WDR25: variants seen among roughly 807,000 people sequenced by gnomAD.
WDR25 encodes WD repeat-containing protein 25.
Under a neutral mutation model 47.7 loss-of-function variants are expected in WDR25, and 35 were observed. The ratio of observed to expected loss-of-function variants is 0.73; its 90% CI spans 0.56 to 0.97. WDR25 has a LOEUF of 0.97. Among genes scored for constraint, WDR25 ranks in the 50% least tolerant of loss-of-function variants. The pLI, the probability that WDR25 is intolerant of heterozygous loss-of-function variation, is 0.00. For missense variants in WDR25, 634 were observed against 704.7 expected, an observed-to-expected ratio of 0.90 and a Z score of 1.14; for synonymous variants, 248 against 278.9, an observed-to-expected ratio of 0.89 and a Z score of 1.10.
At chr14:100,514,786 A>G (rs1352271085) in intron 4 of WDR25, among the ~76,000 whole-genome samples, 2 of 152,060 alleles carry the variant, frequency 1.3e-5, no homozygotes, top group Non-Finnish European at 2.9e-5. Flanking sequence ...ATTTTCCTAC[A>G]TATGTATTAT....
In WDR25 at chr14:100,395,972, G is replaced by GTTTT. The variant is rs575737706; in HGVS notation, c.822+14245_822+14248dup. Reference sequence around the variant, plus strand: ...GATGATTGTTCCACATCTGTGAAATGTTTTTTTTTTTTTTTTTTTTTTGAG... The same window carrying GTTTT: ...GATGATTGTTCCACATCTGTGAAATGTTTTTTTTTTTTTTTTTTTTTTTTTTGAG... On this transcript the variant is annotated intron_variant, in intron 2 of 6. Transcript: ENST00000402312. 5.2e-3 allele frequency among the ~76,000 whole-genome samples: 610 copies of GTTTT among 117,240 alleles called. 8 individuals are homozygous for GTTTT. The highest frequency in any genetic ancestry group is 0.014 in the African/African-American group (421 of 30,556). 76.9% of individuals were successfully genotyped at this position (117,240 alleles called of 152,430 possible). A position where few individuals can be genotyped will look rare whatever the true frequency, so the allele number is the denominator to read the frequency against.
rs201348599 is a variant in WDR25 at position 100,530,070 on chromosome 14, C to T, written c.*29C>T. On this transcript the variant is annotated 3_prime_UTR_variant, in exon 7 of 7. Coordinates refer to ENST00000402312, the MANE Select transcript of WDR25 (RefSeq NM_001161476.3). Reference sequence around the variant, plus strand: ...TTTTGTCACTGAACCTTCCCGATGCCAGCTGGGCTCTTGGACTCCCCTCTT... The same window carrying T: ...TTTTGTCACTGAACCTTCCCGATGCTAGCTGGGCTCTTGGACTCCCCTCTT... 3 of 1,587,474 alleles carry T rather than the reference C, an allele frequency of 1.9e-6. No individual in the cohort carries two copies. In the African/African-American group the frequency reaches 4.0e-5, roughly 21 times the overall value.
intron 2 of WDR25, among the ~76,000 whole-genome samples, chr14:100,446,070 C>T (rs1898822226): frequency 6.6e-6 from 1 of 152,176 alleles, no homozygotes; most frequent in African/African-American, 2.4e-5. Context: ...AGATATTATA[C>T]CCCCTGACTG....
intron 2 of WDR25, among the ~76,000 whole-genome samples, chr14:100,398,242 C>T (rs1225151253): frequency 2.0e-5 from 3 of 152,192 alleles, no homozygotes; most frequent in Admixed American, 6.5e-5. Flanking sequence ...TCTTGACATG[C>T]AGAGGCATGT....
At chr14:100,389,676 G>GTA (rs1897095714) in intron 2 of WDR25, among the ~76,000 whole-genome samples, 1 of 152,210 alleles carries the variant, frequency 6.6e-6, no homozygotes, top group Non-Finnish European at 1.5e-5. Context: ...GCAGAGGACA[G>GTA]CGTACCTTGA....
chr14:100,442,729 G>A (rs1898707690), intron 2 of WDR25, among the ~76,000 whole-genome samples: 1 of 152,092 alleles, frequency 6.6e-6, no homozygotes, highest in African/African-American at 2.4e-5. Flanking sequence ...ACCTTTTCAG[G>A]GAAACCTCCA....
chr14:100,514,632 C>CA (rs1361912552), intron 4 of WDR25, among the ~76,000 whole-genome samples: 1 of 152,046 alleles, frequency 6.6e-6, no homozygotes, highest in Non-Finnish European at 1.5e-5. Flanking sequence ...TTCAGATTTT[C>CA]AGTTTCTCCC....
intron 2 of WDR25, among the ~76,000 whole-genome samples, chr14:100,453,844 C>T (rs1410319111): frequency 6.6e-6 from 1 of 152,220 alleles, no homozygotes; most frequent in Non-Finnish European, 1.5e-5. Context: ...TCTTCTTTGC[C>T]CTTTTACATC....
chr14:100,413,254 G>A (rs189267912), intron 2 of WDR25, among the ~76,000 whole-genome samples: 20 of 152,168 alleles, frequency 1.3e-4, no homozygotes, highest in African/African-American at 3.4e-4. Context: ...TGCAACCATC[G>A]CTCCAATCAA....
intron 2 of WDR25, among the ~76,000 whole-genome samples, chr14:100,416,623 C>T (rs1253067114): frequency 1.3e-5 from 2 of 152,206 alleles, no homozygotes; most frequent in African/African-American, 4.8e-5. Context: ...CCCCTTCTCT[C>T]TGTACCCATT....
In WDR25 at chr14:100,445,773, G is replaced by A. The variant is rs77605340; in HGVS notation, c.823-22248G>A. Among the ~76,000 whole-genome samples, 238 of 152,296 alleles carry A rather than the reference G, an allele frequency of 1.6e-3. 3 individuals carry two copies. The highest frequency in any genetic ancestry group is 7.7e-3 in the East Asian group (40 of 5,190). ...GTGGGCACAGAACGTGTTTGGAAGC[G>A]TCTGGGAGAATAAGGACCAGGCTAG... On this transcript the variant is annotated intron_variant, in intron 2 of 6. Transcript: ENST00000402312.
chr14:100,398,289 T>A (rs1372261778), intron 2 of WDR25, among the ~76,000 whole-genome samples: 1 of 152,220 alleles, frequency 6.6e-6, no homozygotes, highest in Non-Finnish European at 1.5e-5. Flanking sequence ...GAAGGGACAC[T>A]GCTAACACGC....
chr14:100,376,659 T>G lies in WDR25; in HGVS notation c.-16+164T>G, dbSNP rs546278958. The G allele has an allele frequency of 2.7e-4, 334 of 1,231,732 alleles. 3 individuals are homozygous for G. The South Asian group carries it at 0.011, about 40-fold the overall frequency. 76.3% of individuals were successfully genotyped at this position (1,231,732 alleles called of 1,614,324 possible). On this transcript the variant is annotated intron_variant, in intron 1 of 6. Coordinates refer to ENST00000402312, the MANE Select transcript of WDR25 (RefSeq NM_001161476.3). Reference sequence around the variant, plus strand: ...CTTGGACCAACCTTACTTCTTACTATTGACAGCTCAGCTAACTCCTATTCA... The same window carrying G: ...CTTGGACCAACCTTACTTCTTACTAGTGACAGCTCAGCTAACTCCTATTCA...
intron 3 of WDR25, among the ~76,000 whole-genome samples, chr14:100,469,604 C>T (rs1899761491): frequency 6.6e-6 from 1 of 152,204 alleles, no homozygotes; most frequent in Admixed American, 6.5e-5. Flanking sequence ...CTTCCCTGGT[C>T]TTACTGATTC....
rs1898648581 is a variant in WDR25, at chr14:100,440,857, G to A, written c.823-27164G>A. Among the ~76,000 whole-genome samples the A allele has an allele frequency of 6.6e-6, 1 of 152,202 alleles. No homozygotes were observed. Among genetic ancestry groups the A allele is most frequent in the East Asian group, 1.9e-4 (1 of 5,198 alleles). ...GACAAACATACCAGGCTGTCATTTG[G>A]CCAGAGATTGTCTGCACTGGGATTG... On this transcript the variant is annotated intron_variant, in intron 2 of 6. Transcript: ENST00000402312. This position sits in a 1 kb window ranked among gnomAD's most constrained non-coding sequence, Gnocchi z 4.4.
chr14:100,458,253 G>A (rs904397334), intron 2 of WDR25, among the ~76,000 whole-genome samples: 1 of 152,164 alleles, frequency 6.6e-6, no homozygotes, highest in Non-Finnish European at 1.5e-5. Context: ...GACAAGAGCA[G>A]ATTTCAGAGC....
chr14:100,393,284 C>G (rs1897183672), intron 2 of WDR25, among the ~76,000 whole-genome samples: 1 of 152,208 alleles, frequency 6.6e-6, no homozygotes, highest in South Asian at 2.1e-4. Flanking sequence ...CAGAAGTGCT[C>G]TCTTTCTGAA....
chr14:100,526,212 T>G (rs2030124581), intron 5 of WDR25, among the ~76,000 whole-genome samples, 172 bp downstream of exon 5: 2 of 152,176 alleles, frequency 1.3e-5, no homozygotes, highest in South Asian at 4.1e-4. Context: ...GAGCTTGCTG[T>G]GGGCTTCCAG....
chr14:100,426,082 TTCTC>T (rs1898160079), intron 2 of WDR25, among the ~76,000 whole-genome samples: 2 of 152,242 alleles, frequency 1.3e-5, no homozygotes, highest in Admixed American at 1.3e-4. Context: ...TGTCCTTTAT[TTCTC>T]TCTCTACAAG....
Sources: allele counts gnomAD v4.1 joint callset (sites outside exome capture counted in the v4.1 genomes callset), GRCh38; gene constraint gnomAD v4.1.1; non-coding constraint Gnocchi (gnomAD v3.1); transcripts MANE v1.5; gene names NCBI Gene and HGNC (gene_info 2026-07-23, HGNC 2026-07-21).